Variants in MKLN1 observed in about 807,000 individuals in gnomAD.
MKLN1 encodes the protein muskelin 1, also known as muskelin.
Under a neutral mutation model 99.0 loss-of-function variants are expected in MKLN1, and 18 were observed. The ratio of observed to expected loss-of-function variants is 0.18; its 90% CI spans 0.13 to 0.27. The LOEUF is 0.27. Ranked by LOEUF, MKLN1 falls within the 10% of genes least tolerant of loss-of-function variation. The pLI is 1.00. For missense variants in MKLN1, 621 were observed against 875.9 expected (o/e 0.71, Z 3.67); for synonymous variants, 288 against 293.2 (o/e 0.98, Z 0.18).
At chr7:131,240,109 A>C (rs1227748152) in intron 3 of MKLN1, among the ~76,000 whole-genome samples, 1 of 152,158 alleles carries the variant, frequency 6.6e-6, no homozygotes, top group East Asian at 1.9e-4. Flanking sequence ...TGAGCCCAGG[A>C]AGTCGAGACT....
At chr7:131,338,841 A>G (rs184761364) in intron 1 of MKLN1, among the ~76,000 whole-genome samples, 1 of 152,352 alleles carries the variant, frequency 6.6e-6, no homozygotes, top group African/African-American at 2.4e-5. Flanking sequence ...GAATTTGCAG[A>G]TCTACTTACA....
chr7:131,236,729 A>G (rs1192165204), intron 3 of MKLN1, among the ~76,000 whole-genome samples: 1 of 152,078 alleles, frequency 6.6e-6, no homozygotes, highest in African/African-American at 2.4e-5. Flanking sequence ...TCATACTTGT[A>G]ATTCCAGTGC....
intron 1 of MKLN1, among the ~76,000 whole-genome samples, chr7:131,353,458 A>C (rs922185217): frequency 1.3e-5 from 2 of 151,994 alleles, no homozygotes; most frequent in Non-Finnish European, 2.9e-5. Flanking sequence ...TACCTGATGG[A>C]TGTCAAGAGT....
intron 17 of MKLN1, among the ~76,000 whole-genome samples, chr7:131,483,376 A>G (rs2116695510): frequency 6.6e-6 from 1 of 152,338 alleles, no homozygotes; most frequent in Non-Finnish European, 1.5e-5. Flanking sequence ...ACACAACCAT[A>G]TACACAGACA....
intron 1 of MKLN1, among the ~76,000 whole-genome samples, chr7:131,116,078 G>A (rs1367513701): frequency 1.3e-5 from 2 of 152,056 alleles, no homozygotes; most frequent in Non-Finnish European, 2.9e-5. Flanking sequence ...TGCCGAGGCG[G>A]GCAGATCACG....
chr7:131,119,899 T>C (rs117822480), intron 1 of MKLN1, among the ~76,000 whole-genome samples: 1,822 of 152,376 alleles, frequency 0.012, 12 homozygotes, highest in Middle Eastern at 0.017. Flanking sequence ...GGGGCTTTCT[T>C]TTCTGCTGCA....
intron 4 of MKLN1, among the ~76,000 whole-genome samples, chr7:131,389,552 T>G (rs1290716606): frequency 6.6e-6 from 1 of 152,128 alleles, no homozygotes; most frequent in Non-Finnish European, 1.5e-5. Context: ...AAATATTACC[T>G]TAAGGCATGT....
intron 1 of MKLN1, among the ~76,000 whole-genome samples, chr7:131,122,895 C>T (rs1408671902): frequency 7.2e-5 from 11 of 151,932 alleles, no homozygotes; most frequent in Non-Finnish European, 7.4e-5. Flanking sequence ...TGGTGGCCCG[C>T]GCCTGTAGTC....
At chr7:131,283,548 C>T (rs1159909156) in intron 3 of MKLN1, among the ~76,000 whole-genome samples, 9 of 151,706 alleles carry the variant, frequency 5.9e-5, no homozygotes, top group African/African-American at 1.5e-4. Flanking sequence ...GATCCTCCCA[C>T]CTCAGCCTCC....
chr7:131,335,985 A>G (rs984493786), intron 1 of MKLN1, among the ~76,000 whole-genome samples: 1 of 142,302 alleles, frequency 7.0e-6, no homozygotes, highest in African/African-American at 2.6e-5. Context: ...TCCTTACTGA[A>G]TTTTTTTTTT....
intron 3 of MKLN1, among the ~76,000 whole-genome samples, chr7:131,295,623 C>T (rs1412629278): frequency 2.0e-5 from 3 of 151,964 alleles, no homozygotes; most frequent in Non-Finnish European, 2.9e-5. Flanking sequence ...TGGTAGTTCA[C>T]GCCTATAATC....
chr7:131,204,525 T>A (rs1796776873), intron 3 of MKLN1, among the ~76,000 whole-genome samples: 1 of 152,222 alleles, frequency 6.6e-6, no homozygotes, highest in Non-Finnish European at 1.5e-5. Flanking sequence ...TACTTTGTTT[T>A]GTGAATTGAA....
At chr7:131,242,492 C>T (rs994527953) in intron 3 of MKLN1, 11 of 242,204 alleles carry the variant, frequency 4.5e-5, no homozygotes, top group Non-Finnish European at 6.6e-5. Flanking sequence ...GCTGTGATTG[C>T]GCCACTGCCC....
intron 9 of MKLN1, 77 bp from the exon 10 acceptor site, chr7:131,437,708 A>C: frequency 8.6e-7 from 1 of 1,158,258 alleles, no homozygotes; most frequent in East Asian, 2.5e-5. Flanking sequence ...ATGACGTTTA[A>C]TTTTTCTATT....
At chr7:131,356,270 T>C (rs1799875612) in intron 1 of MKLN1, among the ~76,000 whole-genome samples, 1 of 152,062 alleles carries the variant, frequency 6.6e-6, no homozygotes, top group Non-Finnish European at 1.5e-5. Flanking sequence ...AGGTGTTTTA[T>C]ATCTATTAGC....
At chr7:131,275,559 ATATATATATTTTTTTTTTTT>A (rs1380145023) in intron 3 of MKLN1, among the ~76,000 whole-genome samples, 3 of 14,460 alleles carry the variant, frequency 2.1e-4, no homozygotes, top group African/African-American at 1.3e-3. Context: ...ATATATATAT[ATATATATATTTTTTTTTTTT>A]TTTTTTTTTT....
At chr7:131,413,635 G>A (rs970976890) in intron 7 of MKLN1, among the ~76,000 whole-genome samples, 3 of 152,120 alleles carry the variant, frequency 2.0e-5, no homozygotes, top group Middle Eastern at 3.4e-3. Flanking sequence ...CGCCTCCTGA[G>A]TTCAAGTGAT....
At chr7:131,331,498 AG>A (rs1799073520) in intron 1 of MKLN1, among the ~76,000 whole-genome samples, 1 of 152,180 alleles carries the variant, frequency 6.6e-6, no homozygotes, top group African/African-American at 2.4e-5. Context: ...TGAAAATGTA[AG>A]AGGGGCAGGG....
chr7:131,423,269 A>G (rs2116398056), intron 8 of MKLN1, among the ~76,000 whole-genome samples: 1 of 152,294 alleles, frequency 6.6e-6, no homozygotes, highest in African/African-American at 2.4e-5. Context: ...GCCTTTCTGT[A>G]GAAATTTGAA....
Sources: gnomAD v4.1 joint callset for allele counts (sites outside exome capture counted in the v4.1 genomes callset) on GRCh38, gnomAD v4.1.1 for gene constraint, MANE v1.5 for transcripts, NCBI Gene and HGNC (gene_info 2026-07-23, HGNC 2026-07-21) for gene names.